FAT1: variants seen among roughly 807,000 people sequenced by gnomAD.
The protein encoded by FAT1 is FAT atypical cadherin 1, also known as protocadherin Fat 1.
FAT1 carries 171 observed loss-of-function variants against 329.8 expected under a neutral mutation model. The observed-to-expected ratio is 0.52, with a 90% CI of 0.46 to 0.59. The LOEUF is 0.59. Among genes scored for constraint, FAT1 ranks in the 20% least tolerant of loss-of-function variants. FAT1 has a pLI of 0.00. For missense variants in FAT1, 5,672 were observed against 5,774.4 expected (o/e 0.98, Z 0.57); for synonymous variants, 2,233 against 2,228.6 (o/e 1.00, Z -0.06).
intron 7 of FAT1, among the ~76,000 whole-genome samples, chr4:186,632,815 T>C (rs74791547): frequency 0.043 from 6,587 of 152,278 alleles, 321 homozygotes; most frequent in East Asian, 0.19. Flanking sequence ...GCTAGAAAAT[T>C]TCAAACTCAG....
At chr4:186,610,675 ATAAATATAAAT>A (rs1252124294) in intron 14 of FAT1, among the ~76,000 whole-genome samples, 122 of 56,162 alleles carry the variant, frequency 2.2e-3, no homozygotes, top group Admixed American at 5.4e-3. Flanking sequence ...TATAATTTAT[ATAAATATAAAT>A]TATATAATTT....
Position 186,707,150 on chromosome 4 carries a change from A to T in FAT1, c.2678T>A (p.Leu893Ter), listed in dbSNP as rs1223123252. 2 of 1,613,912 alleles carry T rather than the reference A, an allele frequency of 1.2e-6. No individual in the cohort carries two copies. Among genetic ancestry groups the T allele is most frequent in the Non-Finnish European group, 8.5e-7 (1 of 1,179,868 alleles). The change falls in exon 2 of 27, where the codon TTA becomes TAA. Residue 893 changes from leucine (L) to a stop codon, truncating the protein, a stop_gained. Transcript: ENST00000441802. LOFTEE classifies it high-confidence loss of function. ...LDRELQHEHS[L>*]KIEARDQARE... ...GGCTTGGTCCCTGGCCTCAATCTTT[A>T]AGGAGTGCTCATGCTGCAGCTCTCG...
rs904492063 is a variant in FAT1, at chr4:186,708,817, C to T, written c.1011G>A (p.Gln337=). The change falls in exon 2 of 27, where the codon CAG becomes CAA. Residue 337 remains glutamine (Q), a synonymous_variant. Transcript: ENST00000441802. ...GGGGCGGAGTTCCTTTATCTTTAGCCTGTAGTGTGAGATTGTAGCCGAAAG... is the reference window on the plus strand; with the variant it reads ...GGGGCGGAGTTCCTTTATCTTTAGCTTGTAGTGTGAGATTGTAGCCGAAAG... ...SHPFGYNLTL[Q]AKDKGTPPQF... The T allele has an allele frequency of 5.0e-6, 8 of 1,613,844 alleles. No homozygotes were observed. The highest frequency in any genetic ancestry group is 5.9e-6 in the Non-Finnish European group (7 of 1,179,900).
In FAT1 at chr4:186,609,753, G is replaced by T. The variant is rs779474522; in HGVS notation, c.10068+48C>A. On this transcript the variant is annotated intron_variant, in intron 15 of 26. Coordinates refer to ENST00000441802, the MANE Select transcript of FAT1 (RefSeq NM_005245.4). ...TGATTTTACTAAAAACTTTTGCAAA[G>T]ATCCAGAAGATACACAGTTTTCACT... The T allele has an allele frequency of 1.1e-5, 14 of 1,333,188 alleles. No individual in the cohort carries two copies. In the Admixed American group the frequency reaches 2.4e-4, roughly 23 times the overall value. The allele number at this position is 1,333,188 out of a possible 1,614,324, so 82.6% of individuals were successfully genotyped here. A position where few individuals can be genotyped will look rare whatever the true frequency, so the allele number is the denominator to read the frequency against.
chr4:186,683,082 C>T (rs949737729), intron 2 of FAT1, among the ~76,000 whole-genome samples: 1 of 152,196 alleles, frequency 6.6e-6, no homozygotes, highest in African/African-American at 2.4e-5. Flanking sequence ...CCCAGACCTT[C>T]CACCATACAA....
In FAT1 at chr4:186,603,440, G is replaced by C. The variant is rs1560924336; in HGVS notation, c.11086C>G (p.Leu3696Val). 1 of 1,613,990 alleles carries C rather than the reference G, an allele frequency of 6.2e-7. No individual in the cohort carries two copies. The highest frequency in any genetic ancestry group is 8.5e-7 in the Non-Finnish European group (1 of 1,179,896). ...SEPHPHLDVLLFVEKPGSAQI... is the reference protein window; with the variant it reads ...SEPHPHLDVLVFVEKPGSAQI... ...GCACTACCTGGTTTCTCTACAAAAA[G>C]TAAGACGTCCAGATGTGGGTGAGGT... Residue 3696 changes from leucine (L) to valine (V), a missense_variant, in exon 19 of 27, where the codon CTT becomes GTT. Around this residue, in one of 2 missense-constraint regions of FAT1, gnomAD observed 1,706 missense variants for 1,859.1 expected, o/e 0.92. Transcript: ENST00000441802.
In FAT1 at chr4:186,708,383, ACAG is replaced by A; in HGVS notation, c.1442_1444del (p.Thr481_Val482delinsIle). On this transcript the variant is annotated inframe_deletion, in exon 2 of 27. Coordinates refer to ENST00000441802, the MANE Select transcript of FAT1 (RefSeq NM_005245.4). The stretch of plus-strand genomic sequence containing the variant: ...AGGGTCTACGGCACTCAGGCTCATG[ACAG>A]TAGTACCAATGGGCACGTTCTCATC... 1 of 1,613,918 alleles carries A rather than the reference ACAG, an allele frequency of 6.2e-7. No homozygotes were observed. The highest frequency in any genetic ancestry group is 8.5e-7 in the Non-Finnish European group (1 of 1,179,866).
At chr4:186,669,362 G>A (rs1742629092) in intron 2 of FAT1, among the ~76,000 whole-genome samples, 1 of 152,224 alleles carries the variant, frequency 6.6e-6, no homozygotes, top group Non-Finnish European at 1.5e-5. Context: ...CGGTCGTGAT[G>A]CTGCTGCGTG....
At chr4:186,602,805 C>A in intron 20 of FAT1, 98 bp downstream of exon 20, 1 of 1,294,764 alleles carries the variant, frequency 7.7e-7, no homozygotes, top group Non-Finnish European at 1.1e-6. Flanking sequence ...AATAAACATA[C>A]TTTGCAATAT....
chr4:186,697,161 C>T (rs927303564), intron 2 of FAT1, among the ~76,000 whole-genome samples: 2 of 152,122 alleles, frequency 1.3e-5, no homozygotes, highest in South Asian at 2.1e-4. Flanking sequence ...TAAGGGTTTT[C>T]CATGGTGAGC....
chr4:186,624,928 C>T (rs1251845156), intron 9 of FAT1, among the ~76,000 whole-genome samples: 1 of 152,186 alleles, frequency 6.6e-6, no homozygotes, highest in Non-Finnish European at 1.5e-5. Flanking sequence ...AAAGTAACTG[C>T]TGAGCATAAT....
chr4:186,656,088 C>T lies in FAT1; in HGVS notation c.3580+7211G>A, dbSNP rs73873678. 2.0e-3 allele frequency among the ~76,000 whole-genome samples: 300 copies of T among 152,300 alleles called. 1 individual carries two copies. Among genetic ancestry groups the T allele is most frequent in the African/African-American group, 6.8e-3 (282 of 41,578 alleles). ...GGGTTGGTCTGGAGGTGGAAGGAAC[C>T]GGGAAAGCTTGACTGAGGATCTCAC... On this transcript the variant is annotated intron_variant, in intron 3 of 26. Coordinates refer to ENST00000441802, the MANE Select transcript of FAT1 (RefSeq NM_005245.4).
At chr4:186,644,977 A>G (rs942962704) in intron 3 of FAT1, among the ~76,000 whole-genome samples, 1 of 152,192 alleles carries the variant, frequency 6.6e-6, no homozygotes, top group African/African-American at 2.4e-5. Context: ...TGTGAGAAAC[A>G]GTAAGACAGG....
chr4:186,658,152 A>T (rs1283735881), intron 3 of FAT1, among the ~76,000 whole-genome samples: 1 of 152,228 alleles, frequency 6.6e-6, no homozygotes, highest in Non-Finnish European at 1.5e-5. Context: ...AAAAATTAGC[A>T]ATGTCAACAA....
chr4:186,595,935 A>C (rs2126383543), intron 25 of FAT1, 109 bp from the exon 26 acceptor site: 1 of 1,142,530 alleles, frequency 8.8e-7, no homozygotes, highest in Admixed American at 2.4e-5. Flanking sequence ...AGATTTACTC[A>C]ATAAATGAAT....
chr4:186,725,687 T>A (rs1745696118), upstream of FAT1, among the ~76,000 whole-genome samples: 1 of 152,268 alleles, frequency 6.6e-6, no homozygotes, highest in African/African-American at 2.4e-5. The surrounding 1 kb of genome is among the most constrained non-coding windows in gnomAD (Gnocchi z 5.4). Flanking sequence ...ACAAATCGAA[T>A]TATTTTATAT....
At chr4:186,679,231 C>T (rs563617166) in intron 2 of FAT1, among the ~76,000 whole-genome samples, 4 of 151,944 alleles carry the variant, frequency 2.6e-5, no homozygotes, top group Admixed American at 2.6e-4. Flanking sequence ...CAAAAAAACA[C>T]TAACACTAAA....
At chr4:186,598,309 A>T (rs1738637438) in intron 22 of FAT1, among the ~76,000 whole-genome samples, 184 bp from the exon 23 acceptor site, 1 of 152,242 alleles carries the variant, frequency 6.6e-6, no homozygotes, top group Non-Finnish European at 1.5e-5. Context: ...CAAAACACCC[A>T]GAATTGAAGA....
intron 2 of FAT1, among the ~76,000 whole-genome samples, chr4:186,681,505 G>A (rs1183335073): frequency 3.9e-5 from 6 of 152,182 alleles, no homozygotes; most frequent in African/African-American, 1.4e-4. Context: ...GTGTTCGGAA[G>A]AGAACTTAGA....
Sources: gnomAD v4.1 joint callset for allele counts (sites outside exome capture counted in the v4.1 genomes callset) on GRCh38, gnomAD v4.1.1 for gene constraint, gnomAD v4.1.1 regional missense constraint, Gnocchi (gnomAD v3.1) non-coding constraint, MANE v1.5 for transcripts, NCBI Gene and HGNC (gene_info 2026-07-23, HGNC 2026-07-21) for gene names.